Variants in HYDIN observed in about 807,000 individuals in gnomAD.
HYDIN encodes the protein axonemal central pair apparatus protein HYDIN.
HYDIN carries 132 observed loss-of-function variants against 403.9 expected under a neutral mutation model. The ratio of observed to expected loss-of-function variants is 0.33; its 90% confidence interval spans 0.28 to 0.38. HYDIN has a LOEUF of 0.38. Among genes scored for constraint, HYDIN ranks in the 10% least tolerant of loss-of-function variants. The pLI, the probability that HYDIN is intolerant of heterozygous loss-of-function variation, is 1.00. For synonymous variants in HYDIN, 1,202 were observed against 1,891.7 expected, an observed-to-expected ratio of 0.64 and a Z score of 9.46; for missense variants, 2,827 against 5,009.5, an observed-to-expected ratio of 0.56 and a Z score of 13.15.
intron 84 of HYDIN, among the ~76,000 whole-genome samples, chr16:70,813,566 G>A (rs879282337): frequency 3.3e-5 from 5 of 151,888 alleles, no homozygotes; most frequent in Non-Finnish European, 4.4e-5. Flanking sequence ...CAGAAACTGC[G>A]CAGACAGTAA....
At chr16:70,956,569 C>T (rs1029203583) in intron 39 of HYDIN, among the ~76,000 whole-genome samples, 2 of 151,942 alleles carry the variant, frequency 1.3e-5, no homozygotes, top group African/African-American at 4.8e-5. Context: ...GAGAGGAGAG[C>T]AGGAGGGTTG....
At chr16:71,207,681 T>C (rs59184268) in intron 1 of HYDIN, among the ~76,000 whole-genome samples, 1 of 152,104 alleles carries the variant, frequency 6.6e-6, no homozygotes, top group African/African-American at 2.4e-5. Context: ...GAGACCCATC[T>C]CACATGCAAT....
chr16:71,157,260 A>G (rs895047153), intron 6 of HYDIN, among the ~76,000 whole-genome samples: 14 of 151,028 alleles, frequency 9.3e-5, no homozygotes, highest in African/African-American at 2.4e-4. Context: ...CATTATTTCA[A>G]CGAGAAAAGG....
At position 71,175,682 on chromosome 16, in the gene HYDIN, G is replaced by A. The variant is rs372896009; in HGVS notation, c.441C>T (p.Pro147=). 2.4e-4 allele frequency: 389 copies of A among 1,613,962 alleles called. No homozygotes were observed. Among genetic ancestry groups the A allele is most frequent in the Non-Finnish European group, 2.3e-4 (266 of 1,179,930 alleles). The change falls in exon 5 of 86, where the codon CCC becomes CCT. Residue 147 remains proline (P), a synonymous_variant. Coordinates refer to ENST00000393567, the MANE Select transcript of HYDIN (RefSeq NM_001270974.2). ...GAGCCACTTTGTGGCCAATATCTTT[G>A]GGGCTGATTACTTTAAAGTAAGGCG... The part of the protein sequence containing the change: ...ESSPYFKVIS[P]KDIGHKVAPG...
At chr16:71,124,769 C>CTTTTT (rs1440963533) in intron 9 of HYDIN, among the ~76,000 whole-genome samples, 1 of 149,958 alleles carries the variant, frequency 6.7e-6, no homozygotes, top group Non-Finnish European at 1.5e-5. Flanking sequence ...CTTTTCTTTT[C>CTTTTT]TTTTTACTTT....
chr16:70,926,338 A>C (rs552789506), intron 45 of HYDIN, among the ~76,000 whole-genome samples: 1 of 152,172 alleles, frequency 6.6e-6, no homozygotes, highest in Non-Finnish European at 1.5e-5. Context: ...GGAAATCATC[A>C]TTCTCAGTAA....
At chr16:70,963,023 T>C (rs1315272752) in intron 37 of HYDIN, among the ~76,000 whole-genome samples, 14 of 152,156 alleles carry the variant, frequency 9.2e-5, no homozygotes, top group Admixed American at 9.2e-4. Flanking sequence ...CCCACAAACA[T>C]GGTGTGTGAC....
At chr16:70,978,304 C>G (rs1483929972) in intron 30 of HYDIN, among the ~76,000 whole-genome samples, 2 of 149,898 alleles carry the variant, frequency 1.3e-5, no homozygotes, top group Admixed American at 6.6e-5. Flanking sequence ...CCCAGTTCGC[C>G]CTGTCCCCAC....
intron 1 of HYDIN, among the ~76,000 whole-genome samples, chr16:71,208,819 C>T (rs903246019): frequency 1.3e-5 from 2 of 152,158 alleles, no homozygotes; most frequent in African/African-American, 2.4e-5. Flanking sequence ...TTTCTGGATA[C>T]ATACATCCTC....
At chr16:71,107,278 C>T (rs1382967658) in intron 10 of HYDIN, among the ~76,000 whole-genome samples, 1 of 149,982 alleles carries the variant, frequency 6.7e-6, no homozygotes, top group South Asian at 2.1e-4. Flanking sequence ...TGCACATGTA[C>T]CCTAGCACTT....
intron 1 of HYDIN, among the ~76,000 whole-genome samples, chr16:71,200,999 A>G (rs1356866722): frequency 6.6e-6 from 1 of 152,094 alleles, no homozygotes; most frequent in Non-Finnish European, 1.5e-5. Flanking sequence ...TTCTTCTTCC[A>G]CCCTGTTCCC....
intron 72 of HYDIN, among the ~76,000 whole-genome samples, chr16:70,855,953 T>C (rs1310142610): frequency 6.6e-6 from 1 of 152,144 alleles, no homozygotes; most frequent in East Asian, 1.9e-4. Context: ...CTGTATTTTA[T>C]CTGGCAACCC....
intron 36 of HYDIN, among the ~76,000 whole-genome samples, chr16:70,966,856 G>A (rs2078592306): frequency 6.6e-6 from 1 of 151,300 alleles, no homozygotes; most frequent in Admixed American, 6.6e-5. Flanking sequence ...TTGGTGTTGG[G>A]CATTCAATAT....
intron 7 of HYDIN, among the ~76,000 whole-genome samples, chr16:71,145,564 C>A (rs1254455990): frequency 6.6e-6 from 1 of 152,042 alleles, no homozygotes; most frequent in Non-Finnish European, 1.5e-5. Flanking sequence ...TTTTAATACA[C>A]AAATATTTAT....
Position 70,908,635 on chromosome 16 carries a change from G to A in HYDIN, c.8213+18C>T. On this transcript the variant is annotated intron_variant, in intron 48 of 85. Coordinates refer to ENST00000393567, the MANE Select transcript of HYDIN (RefSeq NM_001270974.2). ...GCTTTGGCCCAGATTCCCCTCCCTGGGTTGCTGGAAGGCCCACCTGGTGAA... is the reference window on the plus strand; with the variant it reads ...GCTTTGGCCCAGATTCCCCTCCCTGAGTTGCTGGAAGGCCCACCTGGTGAA... 3 of 1,510,872 alleles carry A rather than the reference G, an allele frequency of 2.0e-6. No homozygotes were observed. Among genetic ancestry groups the A allele is most frequent in the Non-Finnish European group, 2.7e-6 (3 of 1,106,384 alleles). The allele number at this position is 1,510,872 out of a possible 1,614,324, so 93.6% of individuals were successfully genotyped here.
intron 80 of HYDIN, among the ~76,000 whole-genome samples, chr16:70,830,552 G>T (rs1307199410): frequency 2.1e-5 from 3 of 144,468 alleles, no homozygotes; most frequent in African/African-American, 8.0e-5. Flanking sequence ...ATGCTTAGAG[G>T]TGACAGAGGA....
chr16:70,947,325 T>C (rs1368108523), intron 41 of HYDIN, among the ~76,000 whole-genome samples: 6 of 151,414 alleles, frequency 4.0e-5, no homozygotes, highest in Non-Finnish European at 7.4e-5. Flanking sequence ...TGGTTCTGTT[T>C]ATATGCTGTA....
intron 23 of HYDIN, among the ~76,000 whole-genome samples, chr16:70,998,137 C>T (rs2144064343): frequency 6.6e-6 from 1 of 152,316 alleles, no homozygotes; most frequent in South Asian, 2.1e-4. Flanking sequence ...GTTTCGGGTA[C>T]TTTGTTGCGT....
At position 70,937,903 on chromosome 16, in the gene HYDIN, T is replaced by C. The variant is rs569151144; in HGVS notation, c.6995+711A>G. On this transcript the variant is annotated intron_variant, in intron 44 of 85. Transcript: ENST00000393567. ...AAGATCTGAGGGCAGAAAGGACACA[T>C]GTCCCACTGTTCCCATCCCTCTGAG... is the stretch of plus-strand genomic sequence containing the variant. 7.2e-5 allele frequency among the ~76,000 whole-genome samples: 11 copies of C among 151,978 alleles called. No homozygotes were observed. The South Asian group carries it at 1.7e-3, about 23-fold the overall frequency.
Sources: gnomAD v4.1 joint callset for allele counts (sites outside exome capture counted in the v4.1 genomes callset) on GRCh38, gnomAD v4.1.1 for gene constraint, MANE v1.5 for transcripts, NCBI Gene and HGNC (gene_info 2026-07-23, HGNC 2026-07-21) for gene names.